SIPA1L2: variants seen among roughly 807,000 people sequenced by gnomAD.
SIPA1L2 encodes the protein signal induced proliferation associated 1 like 2.
Under a neutral mutation model 163.9 loss-of-function variants are expected in SIPA1L2, and 56 were observed. The observed-to-expected ratio is 0.34, with a 90% CI of 0.28 to 0.43. The LOEUF (loss-of-function observed/expected upper bound fraction) is 0.43. Ranked by LOEUF, SIPA1L2 falls within the 20% of genes least tolerant of loss-of-function variation. SIPA1L2 has a pLI of 1.00. For missense variants in SIPA1L2, 1,974 were observed against 2,193.5 expected, an observed-to-expected ratio of 0.90 and a Z score of 2.00; for synonymous variants, 877 against 865.7, an observed-to-expected ratio of 1.01 and a Z score of -0.23.
intron 19 of SIPA1L2, among the ~76,000 whole-genome samples, chr1:232,411,877 G>T (rs944811888): frequency 6.6e-6 from 1 of 152,140 alleles, no homozygotes; most frequent in Admixed American, 6.5e-5. Flanking sequence ...TAAGTGGTCA[G>T]ATTTTTGTGT....
At chr1:232,443,736 C>T (rs1663044511) in intron 11 of SIPA1L2, 51 bp from the exon 12 acceptor site, 1 of 1,459,166 alleles carries the variant, frequency 6.9e-7, no homozygotes, top group African/African-American at 1.4e-5. Context: ...TCTGCCAAGC[C>T]CCTTGACCTG....
At chr1:232,581,906 A>G (rs1214830520) in intron 1 of SIPA1L2, among the ~76,000 whole-genome samples, 2 of 152,188 alleles carry the variant, frequency 1.3e-5, no homozygotes, top group Non-Finnish European at 2.9e-5. Flanking sequence ...TTAAAGAAAA[A>G]CTTCCTAGAT....
intron 3 of SIPA1L2, among the ~76,000 whole-genome samples, chr1:232,500,985 T>C (rs1666440107): frequency 6.7e-6 from 1 of 148,954 alleles, no homozygotes; most frequent in Non-Finnish European, 1.5e-5. Flanking sequence ...GGCAAGATCC[T>C]CCATCAGAAG....
intron 8 of SIPA1L2, among the ~76,000 whole-genome samples, chr1:232,470,304 G>A (rs1420226964): frequency 6.6e-6 from 1 of 152,200 alleles, no homozygotes; most frequent in African/African-American, 2.4e-5. Context: ...GAGATGACAG[G>A]TGTACTGCAT....
intron 10 of SIPA1L2, among the ~76,000 whole-genome samples, chr1:232,456,171 A>C (rs193039287): frequency 6.6e-6 from 1 of 152,218 alleles, no homozygotes; most frequent in African/African-American, 2.4e-5. Context: ...AAAATTTTTA[A>C]AAAAAGAAGG....
chr1:232,494,424 A>G (rs1666077798), intron 3 of SIPA1L2, among the ~76,000 whole-genome samples: 1 of 152,220 alleles, frequency 6.6e-6, no homozygotes, highest in Non-Finnish European at 1.5e-5. Flanking sequence ...AGATGGTCAC[A>G]TTTGTCTCTT....
intron 3 of SIPA1L2, among the ~76,000 whole-genome samples, chr1:232,500,833 T>C (rs929047659): frequency 3.3e-5 from 5 of 152,158 alleles, no homozygotes; most frequent in African/African-American, 1.2e-4. Context: ...TGCTATCAAA[T>C]AGCATCGTAT....
chr1:232,526,526 C>T (rs891424711), intron 2 of SIPA1L2, among the ~76,000 whole-genome samples: 1 of 152,206 alleles, frequency 6.6e-6, no homozygotes, highest in Admixed American at 6.5e-5. Flanking sequence ...GAATCTAATG[C>T]TGCAGTTGAT....
intron 2 of SIPA1L2, among the ~76,000 whole-genome samples, chr1:232,565,880 ACT>A (rs1029014183): frequency 5.9e-5 from 9 of 152,042 alleles, no homozygotes; most frequent in African/African-American, 2.2e-4. Context: ...GTTTGAAAGG[ACT>A]CTCAAGATGG....
At position 232,514,005 on chromosome 1, in the gene SIPA1L2, T is replaced by C; in HGVS notation, c.1335A>G (p.Ser445=). ...CTGCATTTGTGCAGTGAGAGCTGAG[T>C]GACGATTCGAAAGAGCAGCTTTCCC... The part of the protein sequence containing the change: ...SSGESCSFES[S]LSSHCTNAGV... Residue 445 remains serine (S), a synonymous_variant, in exon 3 of 23, where the codon TCA becomes TCG. Coordinates refer to ENST00000674635, the MANE Select transcript of SIPA1L2 (RefSeq NM_020808.5). The C allele has an allele frequency of 6.2e-7, 1 of 1,614,140 alleles. No homozygotes were observed. The highest frequency in any genetic ancestry group is 8.5e-7 in the Non-Finnish European group (1 of 1,180,016).
At chr1:232,504,487 G>A (rs6680933) in intron 3 of SIPA1L2, among the ~76,000 whole-genome samples, 2,623 of 149,268 alleles carry the variant, frequency 0.018, 83 homozygotes, top group African/African-American at 0.061. Flanking sequence ...GCAGTGAGCC[G>A]AGATCGTGCC....
At chr1:232,537,499 T>C (rs991517220) in intron 2 of SIPA1L2, among the ~76,000 whole-genome samples, 1 of 151,512 alleles carries the variant, frequency 6.6e-6, no homozygotes, top group Non-Finnish European at 1.5e-5. Context: ...AAAAAAAAAA[T>C]GAAGCAACAA....
At chr1:232,404,931 T>C (rs1660554899) in intron 19 of SIPA1L2, among the ~76,000 whole-genome samples, 1 of 152,174 alleles carries the variant, frequency 6.6e-6, no homozygotes, top group African/African-American at 2.4e-5. Flanking sequence ...GTTAGTGCTG[T>C]GGCAGTCCTT....
At chr1:232,485,886 T>C (rs1665622197) in intron 5 of SIPA1L2, among the ~76,000 whole-genome samples, 1 of 152,174 alleles carries the variant, frequency 6.6e-6, no homozygotes, top group Non-Finnish European at 1.5e-5. Context: ...CAGTGTCCAC[T>C]GCTTCCTCTG....
chr1:232,523,512 T>C (rs549896725), intron 2 of SIPA1L2, among the ~76,000 whole-genome samples: 1 of 152,248 alleles, frequency 6.6e-6, no homozygotes. Flanking sequence ...AAAGAATTTC[T>C]ACTTAATGTC....
chr1:232,527,916 CCA>C (rs1435992505), intron 2 of SIPA1L2, among the ~76,000 whole-genome samples: 1 of 149,988 alleles, frequency 6.7e-6, no homozygotes, highest in African/African-American at 2.5e-5. Context: ...ATTAAAAATC[CCA>C]TTTTCTTATT....
At chr1:232,469,033 C>G (rs532368197) in intron 8 of SIPA1L2, among the ~76,000 whole-genome samples, 12 of 152,150 alleles carry the variant, frequency 7.9e-5, no homozygotes, top group Non-Finnish European at 1.3e-4. Context: ...GCCTGACTCC[C>G]TCTGTAGGGT....
intron 16 of SIPA1L2, among the ~76,000 whole-genome samples, chr1:232,431,355 C>G (rs1186855992): frequency 6.6e-6 from 1 of 152,068 alleles, no homozygotes; most frequent in Non-Finnish European, 1.5e-5. Flanking sequence ...TCAATTTAAG[C>G]ACTAAAAGAA....
chr1:232,435,831 C>T (rs1028671784), intron 15 of SIPA1L2, among the ~76,000 whole-genome samples: 1 of 152,170 alleles, frequency 6.6e-6, no homozygotes, highest in Non-Finnish European at 1.5e-5. Context: ...TTCCTGTTCC[C>T]CTACCCTCTT....
Sources: gnomAD v4.1 joint callset for allele counts (sites outside exome capture counted in the v4.1 genomes callset) on GRCh38, gnomAD v4.1.1 for gene constraint, MANE v1.5 for transcripts, NCBI Gene and HGNC (gene_info 2026-07-23, HGNC 2026-07-21) for gene names.